Variants in MROH9 observed in about 807,000 individuals in gnomAD.
The protein encoded by MROH9 is maestro heat like repeat family member 9.
Under a neutral mutation model 98.2 loss-of-function variants are expected in MROH9, and 92 were observed. That is an observed-to-expected ratio of 0.94 (90% confidence interval 0.79 to 1.11). The LOEUF (loss-of-function observed/expected upper bound fraction) is 1.11, where lower values mean the gene tolerates loss of function less well. Among genes scored for constraint, MROH9 ranks in the 50% most tolerant of loss-of-function variants. The probability of loss-of-function intolerance (pLI) is 0.00; values close to 1 mark genes in which losing one functional copy is unlikely to be tolerated. For missense variants in MROH9, 1,057 were observed against 1,014.8 expected, an observed-to-expected ratio of 1.04 and a Z score of -0.57; for synonymous variants, 397 against 368.9, an observed-to-expected ratio of 1.08 and a Z score of -0.87.
chr1:171,002,793 C>T (rs754180637), intron 15 of MROH9, among the ~76,000 whole-genome samples: 5 of 152,114 alleles, frequency 3.3e-5, no homozygotes, highest in African/African-American at 7.2e-5. Context: ...ATCTGCATGT[C>T]GAGATCTCTA....
chr1:170,945,371 C>G, intron 1 of MROH9, 149 bp from the exon 2 acceptor site: 2 of 586,416 alleles, frequency 3.4e-6, no homozygotes, highest in Non-Finnish European at 6.1e-6. Flanking sequence ...TATTTTTAAG[C>G]CTTTAAATTT....
chr1:170,999,853 G>T (rs59839637), intron 15 of MROH9, among the ~76,000 whole-genome samples: 14,951 of 151,846 alleles, frequency 0.098, 1,019 homozygotes, highest in African/African-American at 0.2. Flanking sequence ...ACTGTTTTTT[G>T]ATTTTCTTGA....
chr1:171,013,076 G>A (rs1652214852), intron 15 of MROH9, among the ~76,000 whole-genome samples: 1 of 152,034 alleles, frequency 6.6e-6, no homozygotes, highest in Non-Finnish European at 1.5e-5. Context: ...CTTTGCACAT[G>A]GTTCACCATC....
rs988563181 is a variant in MROH9 at position 170,955,882 on chromosome 1, T to C, written c.73-2579T>C. On this transcript the variant is annotated intron_variant, in intron 3 of 21. Coordinates refer to ENST00000367759, the MANE Select transcript of MROH9 (RefSeq NM_001163629.2). ...TGCTTTTGGGTTCTTGGTCATGAAA[T>C]TTTTGCCTAAGCCAACGTCTAGAAG... is the stretch of plus-strand genomic sequence containing the variant. Among the ~76,000 whole-genome samples, 4 of 152,214 alleles carry C rather than the reference T, an allele frequency of 2.6e-5. No homozygotes were observed. In the South Asian group the frequency reaches 6.2e-4, roughly 24 times the overall value.
At chr1:170,965,123 T>C (rs773166925) in intron 6 of MROH9, 28 bp from the exon 7 acceptor site, 2 of 1,543,162 alleles carry the variant, frequency 1.3e-6, no homozygotes, top group Non-Finnish European at 1.8e-6. Flanking sequence ...ATTTCATGGT[T>C]CTAGGATGAC....
At position 171,024,707 on chromosome 1, in the gene MROH9, T is replaced by G; in HGVS notation, c.2120T>G (p.Leu707Trp). The G allele has an allele frequency of 1.3e-6, 2 of 1,551,342 alleles. No homozygotes were observed. The highest frequency in any genetic ancestry group is 1.7e-6 in the Non-Finnish European group (2 of 1,146,770). Residue 707 changes from leucine (L) to tryptophan (W), a missense_variant, in exon 19 of 22, where the codon TTG (leucine) becomes TGG (tryptophan). Transcript: ENST00000367759. ...TSQLKWSTSR[L>W]LKDENYSFEM... is the part of the protein sequence containing the mutation. Reference sequence around the variant, plus strand: ...CAATTAAAGTGGTCAACATCACGTTTGCTCAAAGATGAAAATTACAGTTTT... The same window carrying G: ...CAATTAAAGTGGTCAACATCACGTTGGCTCAAAGATGAAAATTACAGTTTT...
intron 5 of MROH9, among the ~76,000 whole-genome samples, chr1:170,960,361 G>T (rs1044816750): frequency 2.6e-5 from 4 of 152,102 alleles, no homozygotes; most frequent in African/African-American, 9.7e-5. Context: ...TCTGGTAGTT[G>T]GGAGAAGAAA....
chr1:170,997,260 T>C (rs1398156539), intron 14 of MROH9, among the ~76,000 whole-genome samples: 2 of 152,112 alleles, frequency 1.3e-5, no homozygotes, highest in Non-Finnish European at 2.9e-5. Flanking sequence ...GCCTTGATGC[T>C]TTTATAACAG....
Position 170,965,141 on chromosome 1 carries a change from T to C in MROH9, c.376-10T>C. ...TCATGGTTCTAGGATGACTTTTATG[T>C]TTCCAACAGGAAATGCTCGTGTGGA... On this transcript the variant is annotated splice_polypyrimidine_tract_variant and intron_variant, in intron 6 of 21. Transcript: ENST00000367759. The C allele has an allele frequency of 1.3e-6, 2 of 1,596,018 alleles. No homozygotes were observed. The highest frequency in any genetic ancestry group is 1.7e-6 in the Non-Finnish European group (2 of 1,165,704).
At chr1:171,062,914 C>T (rs1316885332) in intron 21 of MROH9, among the ~76,000 whole-genome samples, 1 of 152,018 alleles carries the variant, frequency 6.6e-6, no homozygotes, top group Non-Finnish European at 1.5e-5. Flanking sequence ...TTATCGACAT[C>T]CCCCACCAGA....
chr1:171,037,156 A>C (rs1325026050), intron 20 of MROH9, among the ~76,000 whole-genome samples: 1 of 151,934 alleles, frequency 6.6e-6, no homozygotes, highest in Non-Finnish European at 1.5e-5. Context: ...CTCATTAAAA[A>C]ATACAGTGAA....
At position 171,030,187 on chromosome 1, in the gene MROH9, T is replaced by A. The variant is rs546231800; in HGVS notation, c.2281+4767T>A. Among the ~76,000 whole-genome samples, 57 of 152,324 alleles carry A rather than the reference T, an allele frequency of 3.7e-4. No homozygotes were observed. The South Asian group carries it at 9.3e-3, about 25-fold the overall frequency. On this transcript the variant is annotated intron_variant, in intron 20 of 21. Coordinates refer to ENST00000367759, the MANE Select transcript of MROH9 (RefSeq NM_001163629.2). ...GTATCTATTTAATTCTTCTTTTTTT[T>A]CTACATTAGTTTAGCTAGTAGTCTA...
At chr1:170,982,787 G>T (rs954699431) in intron 8 of MROH9, among the ~76,000 whole-genome samples, 4 of 152,044 alleles carry the variant, frequency 2.6e-5, no homozygotes, top group South Asian at 4.1e-4. Context: ...CCCAGCTACT[G>T]GGGAGGCTGA....
At chr1:170,947,629 CT>C in intron 3 of MROH9, 56 bp downstream of exon 3, 2 of 1,415,760 alleles carry the variant, frequency 1.4e-6, no homozygotes, top group South Asian at 2.4e-5. Context: ...GAAAAAATAA[CT>C]TTTTACTGTT....
intron 12 of MROH9, among the ~76,000 whole-genome samples, chr1:170,993,054 A>G (rs903472901): frequency 1.3e-5 from 2 of 152,192 alleles, no homozygotes; most frequent in African/African-American, 4.8e-5. Flanking sequence ...GCCAATTACA[A>G]TCCCTAAAGG....
chr1:170,989,361 C>T (rs1003627026), intron 10 of MROH9, among the ~76,000 whole-genome samples: 1 of 152,230 alleles, frequency 6.6e-6, no homozygotes, highest in Non-Finnish European at 1.5e-5. Flanking sequence ...ATGGGACCTA[C>T]GAGTAGAGTT....
At chr1:171,017,378 A>C (rs1652359354) in intron 17 of MROH9, among the ~76,000 whole-genome samples, 1 of 152,220 alleles carries the variant, frequency 6.6e-6, no homozygotes, top group South Asian at 2.1e-4. Context: ...CAAGGGAGGC[A>C]GTGAGTGAGC....
chr1:171,014,460 C>CTT (rs200306246), intron 16 of MROH9, among the ~76,000 whole-genome samples: 28 of 141,650 alleles, frequency 2.0e-4, no homozygotes, highest in South Asian at 6.8e-4. Flanking sequence ...TATCGCCTTA[C>CTT]TTTTTTTTTT....
chr1:170,970,756 G>A (rs1650425937), intron 7 of MROH9, among the ~76,000 whole-genome samples: 1 of 150,464 alleles, frequency 6.6e-6, no homozygotes, highest in Non-Finnish European at 1.5e-5. Context: ...GAGAGAGAGA[G>A]AGAGAGAGAG....
Sources: allele counts gnomAD v4.1 joint callset (sites outside exome capture counted in the v4.1 genomes callset), GRCh38; gene constraint gnomAD v4.1.1; transcripts MANE v1.5; gene names NCBI Gene and HGNC (gene_info 2026-07-23, HGNC 2026-07-21).